The following TENM4 variants were observed in gnomAD, a reference collection of about 807,000 sequenced individuals.
TENM4 encodes the protein teneurin-4.
A neutral mutation model predicts 243.3 loss-of-function variants in TENM4; 82 were observed. The ratio of observed to expected loss-of-function variants is 0.34; its 90% confidence interval spans 0.28 to 0.40. The LOEUF (loss-of-function observed/expected upper bound fraction) is 0.40. Among genes scored for constraint, TENM4 ranks in the 10% least tolerant of loss-of-function variants. The probability of loss-of-function intolerance (pLI) is 1.00; values close to 1 mark genes in which losing one functional copy is unlikely to be tolerated. For missense variants in TENM4, 3,138 were observed against 3,673.3 expected (o/e 0.85, Z 3.77); for synonymous variants, 1,412 against 1,456.3 (o/e 0.97, Z 0.69).
At chr11:79,221,895 G>A (rs1009298431) in intron 2 of TENM4, among the ~76,000 whole-genome samples, 5 of 152,166 alleles carry the variant, frequency 3.3e-5, no homozygotes, top group Non-Finnish European at 7.3e-5. Flanking sequence ...GCCCTGGTGA[G>A]GCTGTGTGTG....
chr11:79,320,465 G>A (rs1209155042), intron 1 of TENM4, among the ~76,000 whole-genome samples: 1 of 152,188 alleles, frequency 6.6e-6, no homozygotes, highest in Non-Finnish European at 1.5e-5. Context: ...CATAAATGAT[G>A]TGACAGGTGA....
intron 1 of TENM4, among the ~76,000 whole-genome samples, chr11:79,429,070 G>A (rs1042370202): frequency 5.3e-5 from 8 of 152,138 alleles, no homozygotes; most frequent in African/African-American, 1.9e-4. Context: ...TCTAAATCTA[G>A]TGCCTGACAG....
intron 28 of TENM4, among the ~76,000 whole-genome samples, chr11:78,693,723 A>G (rs940018577): frequency 6.6e-6 from 1 of 152,190 alleles, no homozygotes; most frequent in African/African-American, 2.4e-5. Flanking sequence ...CACATAAAAC[A>G]TTCATATAGG....
At chr11:79,357,908 C>T (rs1857524296) in intron 1 of TENM4, among the ~76,000 whole-genome samples, 1 of 152,180 alleles carries the variant, frequency 6.6e-6, no homozygotes, top group Non-Finnish European at 1.5e-5. Flanking sequence ...CACAAGAACA[C>T]TCAATTCCTG....
intron 2 of TENM4, among the ~76,000 whole-genome samples, chr11:79,276,011 G>A (rs1473945988): frequency 1.3e-5 from 2 of 152,220 alleles, no homozygotes; most frequent in South Asian, 2.1e-4. Context: ...TCTTCATTAT[G>A]CCGCCTAAAA....
intron 1 of TENM4, among the ~76,000 whole-genome samples, chr11:79,348,711 G>C (rs1857369059): frequency 6.6e-6 from 1 of 152,118 alleles, no homozygotes; most frequent in Non-Finnish European, 1.5e-5. Context: ...CTTGATCTTG[G>C]ACTTCCAACC....
chr11:79,371,590 C>A (rs894740544), intron 1 of TENM4, among the ~76,000 whole-genome samples: 1 of 152,174 alleles, frequency 6.6e-6, no homozygotes, highest in Non-Finnish European at 1.5e-5. Flanking sequence ...GAAGAGTTTG[C>A]CCTTCACAAC....
At position 79,123,923 on chromosome 11, in the gene TENM4, C is replaced by A. The variant is rs371602753; in HGVS notation, c.-66+24787G>T. On this transcript the variant is annotated intron_variant, in intron 4 of 33. Coordinates refer to ENST00000278550, the MANE Select transcript of TENM4 (RefSeq NM_001098816.3). ...AGATCAACCAAGAGGAGTCAGTGTA[C>A]AGGGCTTCTCAGATCACTCAACAGG... 1.4e-3 allele frequency among the ~76,000 whole-genome samples: 210 copies of A among 152,296 alleles called. 2 individuals are homozygous for A. Among genetic ancestry groups the A allele is most frequent in the South Asian group, 0.014 (66 of 4,826 alleles).
chr11:79,213,240 A>G (rs1003360064), intron 3 of TENM4, among the ~76,000 whole-genome samples: 2 of 152,130 alleles, frequency 1.3e-5, no homozygotes, highest in African/African-American at 2.4e-5. Context: ...GCAAGTCACA[A>G]TATGGAACCT....
intron 1 of TENM4, among the ~76,000 whole-genome samples, chr11:79,417,365 C>T (rs1253297223): frequency 6.6e-6 from 1 of 152,152 alleles, no homozygotes; most frequent in African/African-American, 2.4e-5. Context: ...TTGTTGATGG[C>T]TCAAAGGGGA....
chr11:79,212,532 G>C (rs916115915), intron 3 of TENM4, among the ~76,000 whole-genome samples: 1 of 152,002 alleles, frequency 6.6e-6, no homozygotes, highest in African/African-American at 2.4e-5. Flanking sequence ...TTTTGGAAAG[G>C]GGGTGGGAAG....
At chr11:79,345,722 A>T (rs1467112596) in intron 1 of TENM4, among the ~76,000 whole-genome samples, 2 of 152,222 alleles carry the variant, frequency 1.3e-5, no homozygotes, top group African/African-American at 4.8e-5. Context: ...TTCATACATT[A>T]TTGAGAAGTT....
At chr11:79,158,669 T>A (rs1163588054) in intron 3 of TENM4, among the ~76,000 whole-genome samples, 2 of 152,250 alleles carry the variant, frequency 1.3e-5, no homozygotes, top group African/African-American at 4.8e-5. Context: ...CTACACACAC[T>A]GTCACATTTA....
At chr11:78,853,667 T>C (rs1470238832) in intron 12 of TENM4, among the ~76,000 whole-genome samples, 1 of 152,200 alleles carries the variant, frequency 6.6e-6, no homozygotes, top group East Asian at 1.9e-4. Flanking sequence ...TCTTTTCTCA[T>C]TGGCCAGGGG....
chr11:79,051,167 T>A (rs1859782073), intron 6 of TENM4, among the ~76,000 whole-genome samples: 1 of 152,234 alleles, frequency 6.6e-6, no homozygotes, highest in African/African-American at 2.4e-5. Context: ...AACATACACT[T>A]AAATAGCACT....
intron 3 of TENM4, among the ~76,000 whole-genome samples, chr11:79,166,398 C>A (rs748506015): frequency 1.2e-4 from 19 of 152,140 alleles, no homozygotes; most frequent in Non-Finnish European, 2.4e-4. Context: ...CATTTGGTGC[C>A]AGGTACTATG....
chr11:79,173,314 C>A (rs941274853), intron 3 of TENM4, among the ~76,000 whole-genome samples: 13 of 151,902 alleles, frequency 8.6e-5, no homozygotes, highest in African/African-American at 3.1e-4. Context: ...CCATCTTGCC[C>A]CTTTGGTCAC....
rs867462236 is a variant in TENM4 at position 79,438,673 on chromosome 11, C to T, written c.-321+1836G>A. Among the ~76,000 whole-genome samples the T allele has an allele frequency of 2.6e-5, 4 of 152,180 alleles. No homozygotes were observed. The highest frequency in any genetic ancestry group is 2.1e-4 in the South Asian group (1 of 4,830). On this transcript the variant is annotated intron_variant, in intron 1 of 33. Coordinates refer to ENST00000278550, the MANE Select transcript of TENM4 (RefSeq NM_001098816.3). This position sits in a 1 kb window ranked among gnomAD's most constrained non-coding sequence, Gnocchi z 4.1. ...GCCCAGGAAGGGCGGAAAAGAGGGG[C>T]TTTGGGGCTCCCCAGGACACCAAGT...
chr11:78,715,258 A>T (rs1481082972), intron 25 of TENM4, among the ~76,000 whole-genome samples: 1 of 152,232 alleles, frequency 6.6e-6, no homozygotes, highest in Non-Finnish European at 1.5e-5. Context: ...GTGACCTTAG[A>T]TCCTACTGTG....
Sources: allele counts gnomAD v4.1 joint callset (sites outside exome capture counted in the v4.1 genomes callset), GRCh38; gene constraint gnomAD v4.1.1; non-coding constraint Gnocchi (gnomAD v3.1); transcripts MANE v1.5; gene names NCBI Gene and HGNC (gene_info 2026-07-23, HGNC 2026-07-21).